NFIC: variants seen among roughly 807,000 people sequenced by gnomAD.
The protein encoded by NFIC is nuclear factor I C.
Under a neutral mutation model 54.4 loss-of-function variants are expected in NFIC, and 12 were observed. The ratio of observed to expected loss-of-function variants is 0.22; its 90% CI spans 0.14 to 0.36. The LOEUF (loss-of-function observed/expected upper bound fraction) is 0.36, where lower values mean the gene tolerates loss of function less well. Ranked by LOEUF, NFIC falls within the 10% of genes least tolerant of loss-of-function variation. The pLI, the probability that NFIC is intolerant of heterozygous loss-of-function variation, is 1.00. For synonymous variants in NFIC, 322 were observed against 319.2 expected, an observed-to-expected ratio of 1.01 and a Z score of -0.09; for missense variants, 575 against 718.2, an observed-to-expected ratio of 0.80 and a Z score of 2.28.
chr19:3,370,617 T>C lies in NFIC; in HGVS notation c.30+3951T>C, dbSNP rs1773970287. The stretch of plus-strand genomic sequence containing the variant: ...TCTCTCTCTCTCCCCGTCTCCCTTC[T>C]CTCCCTCTCTCCTTCTCTCTTCTCT... On this transcript the variant is annotated intron_variant, in intron 1 of 10. Transcript: ENST00000443272. This position sits in a 1 kb window ranked among gnomAD's most constrained non-coding sequence, Gnocchi z 5.2. 6.7e-6 allele frequency among the ~76,000 whole-genome samples: 1 copy of C among 149,176 alleles called. No individual in the cohort carries two copies. The highest frequency in any genetic ancestry group is 6.7e-5 in the Admixed American group (1 of 14,922).
intron 6 of NFIC, among the ~76,000 whole-genome samples, chr19:3,438,760 G>T (rs890552271): frequency 8.5e-5 from 13 of 152,136 alleles, no homozygotes. Context: ...TTCATCCTCA[G>T]TGTAAAGCCC....
At chr19:3,371,937 T>TTCCCTCCCTCCCTTCCTTCCTTCCC (rs2081022142) in intron 1 of NFIC, among the ~76,000 whole-genome samples, 1 of 87,670 alleles carries the variant, frequency 1.1e-5, no homozygotes, top group African/African-American at 4.9e-5. Flanking sequence ...CCTTCCTTCC[T>TTCCCTCCCTCCCTTCCTTCCTTCCC]TCCCTCCCTC....
At chr19:3,448,833 G>A (rs1425831449) in intron 6 of NFIC, among the ~76,000 whole-genome samples, 181 bp from the exon 7 acceptor site, 5 of 152,138 alleles carry the variant, frequency 3.3e-5, no homozygotes, top group Non-Finnish European at 7.4e-5. Flanking sequence ...CCCCTTCTCT[G>A]CTCTGAGCCT....
upstream of NFIC, among the ~76,000 whole-genome samples, chr19:3,363,269 A>ATATT (rs1453872431): frequency 1.5e-3 from 55 of 36,690 alleles, no homozygotes; most frequent in Non-Finnish European, 1.6e-3. Context: ...ATATATATAT[A>ATATT]TTTTTTTTTT....
chr19:3,418,573 C>T (rs566430116), intron 2 of NFIC, among the ~76,000 whole-genome samples: 4 of 152,130 alleles, frequency 2.6e-5, no homozygotes, highest in African/African-American at 7.2e-5. Flanking sequence ...GACGGCTGGC[C>T]GGGCGTGGTG....
intron 9 of NFIC, among the ~76,000 whole-genome samples, chr19:3,454,953 C>T (rs559812067): frequency 2.2e-4 from 34 of 152,332 alleles, no homozygotes; most frequent in African/African-American, 7.7e-4. Flanking sequence ...GGGCTGGAAT[C>T]CCACCTCTGC....
At chr19:3,444,766 C>T (rs934120691) in intron 6 of NFIC, among the ~76,000 whole-genome samples, 4 of 152,198 alleles carry the variant, frequency 2.6e-5, no homozygotes, top group South Asian at 2.1e-4. Flanking sequence ...TCGTTCCCGC[C>T]GTGGCCCTGC....
At position 3,462,927 on chromosome 19, in the gene NFIC, C is replaced by G; in HGVS notation, c.*158C>G. The G allele has an allele frequency of 2.7e-6, 4 of 1,498,542 alleles. No homozygotes were observed. Among genetic ancestry groups the G allele is most frequent in the Non-Finnish European group, 3.5e-6 (4 of 1,131,986 alleles). The allele number at this position is 1,498,542 out of a possible 1,614,324, so 92.8% of individuals were successfully genotyped here. ...CAAAAAGACAAAACACATAGACGCA[C>G]ACACTCAGGAGGAAAAGAAAAAACA... On this transcript the variant is annotated 3_prime_UTR_variant, in exon 11 of 11. Coordinates refer to ENST00000443272, the MANE Select transcript of NFIC (RefSeq NM_001245002.2).
At chr19:3,423,934 G>C (rs770925082) in intron 2 of NFIC, among the ~76,000 whole-genome samples, 7 of 152,206 alleles carry the variant, frequency 4.6e-5, no homozygotes, top group Non-Finnish European at 8.8e-5. Context: ...TTCCCCATCT[G>C]TAAAACGGAC....
At chr19:3,363,037 C>A (rs2080829899), upstream of NFIC, among the ~76,000 whole-genome samples, 1 of 151,888 alleles carries the variant, frequency 6.6e-6, no homozygotes, top group Non-Finnish European at 1.5e-5. Context: ...GAAAAAAAAT[C>A]CAATCTTTCT....
At chr19:3,398,085 C>T (rs934298124) in intron 2 of NFIC, among the ~76,000 whole-genome samples, 6 of 152,198 alleles carry the variant, frequency 3.9e-5, no homozygotes, top group African/African-American at 1.2e-4. Flanking sequence ...ACTCTTCCGG[C>T]GCCCACTGTG....
Position 3,464,178 on chromosome 19 carries a change from C to CCGACGCGGGGCCCAGCTG in NFIC, c.*1412_*1429dup, listed in dbSNP as rs565896792. ...GCCGTTTGCACTTTCATCGCCTACC[C>CCGACGCGGGGCCCAGCTG]CGACGCGGGGCCCAGCTGCGGGACG... On this transcript the variant is annotated 3_prime_UTR_variant, in exon 11 of 11. Transcript: ENST00000443272. 8.6e-4 allele frequency: 846 copies of CCGACGCGGGGCCCAGCTG among 985,418 alleles called. 5 individuals carry two copies. The African/African-American group carries it at 0.014, about 16-fold the overall frequency. 61.0% of individuals were successfully genotyped at this position (985,418 alleles called of 1,614,324 possible). A position where few individuals can be genotyped will look rare whatever the true frequency, so the allele number is the denominator to read the frequency against.
chr19:3,430,983 T>A (rs1048879556), intron 3 of NFIC, among the ~76,000 whole-genome samples: 3 of 150,956 alleles, frequency 2.0e-5, no homozygotes, highest in African/African-American at 7.3e-5. Context: ...CATCACACAC[T>A]GTGTGGCCTT....
chr19:3,436,133 T>TTTTGCTTG (rs1555679551), intron 6 of NFIC, among the ~76,000 whole-genome samples: 2 of 147,670 alleles, frequency 1.4e-5, no homozygotes, highest in Non-Finnish European at 3.0e-5. Flanking sequence ...CGGCCTCTGT[T>TTTTGCTTG]TTTGTTTGTT....
intron 2 of NFIC, 135 bp downstream of exon 2, chr19:3,382,378 T>C: frequency 7.8e-7 from 1 of 1,275,162 alleles, no homozygotes; most frequent in Non-Finnish European, 1.1e-6. Flanking sequence ...GAAGTGGGCC[T>C]TGGAGAGTGC....
Position 3,359,650 on chromosome 19 carries a change from C to G in NFIC, c.-33C>G, listed in dbSNP as rs1341342866. Reference sequence around the variant, plus strand: ...TCGCCGGGGACCGAGCGCGCTCGCTCCGGCGCCGGCCTCGCCTCCTCGCAG... The same window carrying G: ...TCGCCGGGGACCGAGCGCGCTCGCTGCGGCGCCGGCCTCGCCTCCTCGCAG... On this transcript the variant is annotated 5_prime_UTR_variant, in exon 1 of 10. Coordinates refer to the NFIC transcript ENST00000395111. 16 of 1,383,968 alleles carry G rather than the reference C, an allele frequency of 1.2e-5. No individual in the cohort carries two copies. The East Asian group carries it at 5.1e-4, about 44-fold the overall frequency. The allele number at this position is 1,383,968 out of a possible 1,614,324, so 85.7% of individuals were successfully genotyped here.
Position 3,468,099 on chromosome 19 carries a change from A to G in NFIC, c.*5330A>G, listed in dbSNP as rs2122000126. ...GAGGAGGCGGACCCAAAGCAGTACC[A>G]GCAGGACTTGTTGCCAGTGATACCA... On this transcript the variant is annotated 3_prime_UTR_variant, in exon 11 of 11. Coordinates refer to ENST00000443272, the MANE Select transcript of NFIC (RefSeq NM_001245002.2). 6.6e-6 allele frequency: 1 copy of G among 152,102 alleles called. No homozygotes were observed. The highest frequency in any genetic ancestry group is 1.9e-4 in the East Asian group (1 of 5,144). 9.4% of individuals were successfully genotyped at this position (152,102 alleles called of 1,614,324 possible).
At chr19:3,419,836 T>A (rs1378735497) in intron 2 of NFIC, among the ~76,000 whole-genome samples, 5 of 150,790 alleles carry the variant, frequency 3.3e-5, no homozygotes, top group Non-Finnish European at 7.4e-5. Flanking sequence ...AAAAAACACA[T>A]AAATTCCTAG....
intron 6 of NFIC, among the ~76,000 whole-genome samples, chr19:3,438,049 G>A (rs993363663): frequency 3.4e-4 from 52 of 152,196 alleles, no homozygotes; most frequent in Non-Finnish European, 5.7e-4. Context: ...TAAACTGCAC[G>A]CTAATTAAAG....
Sources: allele counts gnomAD v4.1 joint callset (sites outside exome capture counted in the v4.1 genomes callset), GRCh38; gene constraint gnomAD v4.1.1; non-coding constraint Gnocchi (gnomAD v3.1); transcripts MANE v1.5; gene names NCBI Gene and HGNC (gene_info 2026-07-23, HGNC 2026-07-21).